The following LY96 variants were observed in gnomAD, a reference collection of about 807,000 sequenced individuals.
LY96 encodes myeloid differentiation protein-2.
Under a neutral mutation model 18.9 loss-of-function variants are expected in LY96, and 18 were observed. That is an observed-to-expected ratio of 0.95 (90% CI 0.66 to 1.41). The LOEUF (loss-of-function observed/expected upper bound fraction) is 1.41, where lower values mean the gene tolerates loss of function less well. Ranked by LOEUF, LY96 falls within the 40% of genes most tolerant of loss-of-function variation. LY96 has a pLI of 0.00. For missense variants in LY96, 175 were observed against 182.4 expected (o/e 0.96, Z 0.23); for synonymous variants, 66 against 62.6 (o/e 1.06, Z -0.26).
At chr8:74,021,605 T>G (rs547942167) in intron 3 of LY96, among the ~76,000 whole-genome samples, 1 of 152,276 alleles carries the variant, frequency 6.6e-6, no homozygotes, top group South Asian at 2.1e-4. Flanking sequence ...CATGCTACTA[T>G]GAAGACACAT....
At chr8:74,087,126 C>T in the LY96 span, among the ~76,000 whole-genome samples, 1 of 152,168 alleles carries the variant, frequency 6.6e-6, no homozygotes. Flanking sequence ...CTCCTGAAAT[C>T]CTACAAAACT....
the LY96 span, among the ~76,000 whole-genome samples, chr8:74,088,760 A>G: frequency 1.3e-5 from 2 of 151,930 alleles, no homozygotes; most frequent in African/African-American, 2.4e-5. Context: ...TAATTTTTGT[A>G]TTTTTAGTAG....
At chr8:74,027,413 C>T (rs1212485377) in intron 4 of LY96, among the ~76,000 whole-genome samples, 1 of 149,486 alleles carries the variant, frequency 6.7e-6, no homozygotes, top group Non-Finnish European at 1.5e-5. Context: ...TCAGGTGATT[C>T]TGTGCCTCAA....
At chr8:74,089,431 C>T in the LY96 span, among the ~76,000 whole-genome samples, 1 of 152,092 alleles carries the variant, frequency 6.6e-6, no homozygotes, top group Non-Finnish European at 1.5e-5. Context: ...ATCCATGTAT[C>T]TGGCCCTGCC....
At chr8:74,084,913 C>T in the LY96 span, among the ~76,000 whole-genome samples, 7 of 152,218 alleles carry the variant, frequency 4.6e-5, no homozygotes, top group Non-Finnish European at 8.8e-5. Flanking sequence ...CCGCACCCAG[C>T]CCTCTCTTTC....
At chr8:74,066,335 T>C in the LY96 span, among the ~76,000 whole-genome samples, 4 of 152,030 alleles carry the variant, frequency 2.6e-5, no homozygotes, top group Non-Finnish European at 5.9e-5. Context: ...CACATATTAA[T>C]AGTTTTCACT....
chr8:74,088,148 T>TAGAATAGAAA, the LY96 span, among the ~76,000 whole-genome samples: 24 of 144,716 alleles, frequency 1.7e-4, no homozygotes, highest in African/African-American at 5.6e-4. Context: ...TAGAATAGAA[T>TAGAATAGAAA]AGAAAAGAAT....
At chr8:73,992,544 G>A (rs1816025343) in intron 1 of LY96, among the ~76,000 whole-genome samples, 1 of 152,140 alleles carries the variant, frequency 6.6e-6, no homozygotes, top group Non-Finnish European at 1.5e-5. Flanking sequence ...TTAGTCTGGA[G>A]TGTATGTTAA....
chr8:74,004,071 G>A (rs1371680943), intron 1 of LY96, among the ~76,000 whole-genome samples: 1 of 152,170 alleles, frequency 6.6e-6, no homozygotes, highest in East Asian at 1.9e-4. Flanking sequence ...TGCCAGACCT[G>A]TCAGAACTCT....
At chr8:74,081,056 CTT>C in the LY96 span, among the ~76,000 whole-genome samples, 53 of 112,116 alleles carry the variant, frequency 4.7e-4, 2 homozygotes, top group African/African-American at 1.9e-3. Context: ...CTTTTTCTTT[CTT>C]TCTTTCTTAC....
chr8:74,098,878 C>T, the LY96 span, among the ~76,000 whole-genome samples: 11 of 152,232 alleles, frequency 7.2e-5, no homozygotes, highest in South Asian at 2.3e-3. Flanking sequence ...TAAAATGTAG[C>T]CAGTAATCAC....
chr8:74,047,535 C>G, the LY96 span, among the ~76,000 whole-genome samples: 1 of 152,186 alleles, frequency 6.6e-6, no homozygotes, highest in Non-Finnish European at 1.5e-5. Context: ...GTAATATAAT[C>G]CTTGTGCACA....
chr8:74,041,721 A>G, the LY96 span, among the ~76,000 whole-genome samples: 1 of 152,164 alleles, frequency 6.6e-6, no homozygotes, highest in Admixed American at 6.5e-5. Flanking sequence ...CCCCACCACT[A>G]GTAAATTTGA....
At chr8:74,032,275 G>C (rs1339941963), downstream of LY96, among the ~76,000 whole-genome samples, 1 of 152,168 alleles carries the variant, frequency 6.6e-6, no homozygotes, top group African/African-American at 2.4e-5. Context: ...TAAGGGAGGA[G>C]ACCACCCCTC....
intron 2 of LY96, among the ~76,000 whole-genome samples, chr8:74,008,241 G>A (rs570859830): frequency 6.6e-6 from 1 of 152,238 alleles, no homozygotes; most frequent in Non-Finnish European, 1.5e-5. Context: ...CTTTCCTGGA[G>A]TTATTGAAGA....
the LY96 span, among the ~76,000 whole-genome samples, chr8:74,068,061 CAAAAAAAAAAA>C: frequency 8.3e-5 from 3 of 36,204 alleles, no homozygotes; most frequent in Non-Finnish European, 1.4e-4. Flanking sequence ...AACTCTGTCT[CAAAAAAAAAAA>C]AAAAAAAAAA....
At chr8:74,035,750 G>A in the LY96 span, among the ~76,000 whole-genome samples, 2 of 152,092 alleles carry the variant, frequency 1.3e-5, no homozygotes, top group Non-Finnish European at 2.9e-5. Flanking sequence ...AAAAACTTTG[G>A]TTTCCACAAC....
At chr8:74,086,207 T>A in the LY96 span, among the ~76,000 whole-genome samples, 3 of 152,342 alleles carry the variant, frequency 2.0e-5, 1 homozygote, top group South Asian at 6.2e-4. Context: ...GTCATTCCCC[T>A]GATCTTTCTA....
the LY96 span, among the ~76,000 whole-genome samples, chr8:74,075,072 G>C: frequency 6.6e-6 from 1 of 152,200 alleles, no homozygotes. Context: ...GTCCGATGCT[G>C]AAAGAGGGGC....
Sources: allele counts gnomAD v4.1 joint callset (sites outside exome capture counted in the v4.1 genomes callset), GRCh38; gene constraint gnomAD v4.1.1; transcripts MANE v1.5; gene names NCBI Gene and HGNC (gene_info 2026-07-23, HGNC 2026-07-21).